The following KIAA1549 variants were observed in gnomAD, a reference collection of about 807,000 sequenced individuals.
The protein encoded by KIAA1549 is UPF0606 protein KIAA1549.
A neutral mutation model predicts 156.4 loss-of-function variants in KIAA1549; 70 were observed. That is an observed-to-expected ratio of 0.45 (90% CI 0.37 to 0.55). KIAA1549 has a LOEUF of 0.55. Among genes scored for constraint, KIAA1549 ranks in the 20% least tolerant of loss-of-function variants. KIAA1549 has a pLI of 0.00. For synonymous variants in KIAA1549, 1,103 were observed against 1,066.4 expected, an observed-to-expected ratio of 1.03 and a Z score of -0.67; for missense variants, 2,428 against 2,540.9, an observed-to-expected ratio of 0.96 and a Z score of 0.96.
rs77344275 is a variant in KIAA1549 at position 138,947,295 on chromosome 7, G to A, written c.188-27857C>T. ...GCCTACTATATGCCAAATTCTGGGA[G>A]AAGCACCTTCCGTCAGTACATCACT... On this transcript the variant is annotated intron_variant, in intron 1 of 19. Coordinates refer to ENST00000422774, the MANE Select transcript of KIAA1549 (RefSeq NM_001164665.2). Among the ~76,000 whole-genome samples the A allele has an allele frequency of 1.5e-4, 23 of 152,290 alleles. 1 individual carries two copies. The East Asian group carries it at 4.4e-3, about 29-fold the overall frequency.
chr7:138,865,216 T>C (rs1810702605), intron 15 of KIAA1549, among the ~76,000 whole-genome samples: 1 of 151,492 alleles, frequency 6.6e-6, no homozygotes, highest in Non-Finnish European at 1.5e-5. Context: ...GCAACAGAGC[T>C]GGAGTGTCTC....
intron 17 of KIAA1549, among the ~76,000 whole-genome samples, chr7:138,847,053 C>G (rs1411334304): frequency 6.6e-6 from 1 of 152,206 alleles, no homozygotes; most frequent in Non-Finnish European, 1.5e-5. Context: ...GGAGCCCACA[C>G]CTCACCTAAT....
chr7:138,943,788 G>A (rs1050691711), intron 1 of KIAA1549, among the ~76,000 whole-genome samples: 204 of 152,132 alleles, frequency 1.3e-3, no homozygotes, highest in African/African-American at 4.5e-3. Context: ...GGCAGAGCTT[G>A]CAGTGAGCTG....
At chr7:138,885,252 A>T (rs1584730159) in intron 10 of KIAA1549, among the ~76,000 whole-genome samples, 1 of 152,098 alleles carries the variant, frequency 6.6e-6, no homozygotes, top group African/African-American at 2.4e-5. Flanking sequence ...ATAATAATAA[A>T]AATGTATATG....
chr7:138,838,290 C>A, intron 19 of KIAA1549, 130 bp from the exon 20 acceptor site: 1 of 939,574 alleles, frequency 1.1e-6, no homozygotes. Context: ...TAACAGGGCC[C>A]TGCTGCCTAT....
At chr7:138,903,070 A>G (rs1452105639) in intron 8 of KIAA1549, among the ~76,000 whole-genome samples, 1 of 152,164 alleles carries the variant, frequency 6.6e-6, no homozygotes, top group Non-Finnish European at 1.5e-5. Flanking sequence ...CTCAGAAAAT[A>G]AATTTTAAAA....
chr7:138,913,255 C>T (rs903428160), intron 2 of KIAA1549, among the ~76,000 whole-genome samples: 1 of 152,110 alleles, frequency 6.6e-6, no homozygotes, highest in Non-Finnish European at 1.5e-5. Context: ...GGTCTCCTAC[C>T]CCAATGTTTC....
chr7:138,912,469 G>A lies in KIAA1549; in HGVS notation c.2879-9C>T. On this transcript the variant is annotated splice_polypyrimidine_tract_variant and intron_variant, in intron 2 of 19. Transcript: ENST00000422774. ...AGCTCTTCTGGCCAGCACTGCAAAT[G>A]AAAGCAAACCACCAAATGCCTTTTC... The A allele has an allele frequency of 6.2e-7, 1 of 1,610,092 alleles. No homozygotes were observed. The highest frequency in any genetic ancestry group is 1.1e-5 in the South Asian group (1 of 91,002).
At chr7:138,840,301 G>C (rs762984405) in intron 18 of KIAA1549, 23 bp from the exon 19 acceptor site, 2 of 1,595,246 alleles carry the variant, frequency 1.3e-6, no homozygotes, top group Non-Finnish European at 1.7e-6. Context: ...TGGTGGAGTG[G>C]CCTGGTCAAC....
chr7:138,908,871 TCA>T (rs1231934734), intron 5 of KIAA1549, 118 bp downstream of exon 5: 1 of 1,184,040 alleles, frequency 8.4e-7, no homozygotes, highest in Non-Finnish European at 1.2e-6. Flanking sequence ...CAATCCCGAC[TCA>T]CATAAACTGG....
chr7:138,935,972 G>A (rs1443662463), intron 1 of KIAA1549, among the ~76,000 whole-genome samples: 1 of 152,194 alleles, frequency 6.6e-6, no homozygotes, highest in Non-Finnish European at 1.5e-5. Context: ...AATGTTGGCA[G>A]ACAATAGGAA....
At chr7:138,931,024 G>A (rs1812854322) in intron 1 of KIAA1549, among the ~76,000 whole-genome samples, 1 of 152,152 alleles carries the variant, frequency 6.6e-6, no homozygotes, top group Non-Finnish European at 1.5e-5. Flanking sequence ...CAAAATTCTT[G>A]TGTCTCAGCA....
rs1034175769 is a variant in KIAA1549 at position 138,923,704 on chromosome 7, T to C, written c.188-4266A>G. 2.6e-5 allele frequency among the ~76,000 whole-genome samples: 4 copies of C among 152,224 alleles called. 1 individual carries two copies. The highest frequency in any genetic ancestry group is 1.3e-4 in the Admixed American group (2 of 15,294). ...GTAATTGGTGAGTTTACAAAAGACA[T>C]ATTATATGGAATTAAAAGTTATGCA... On this transcript the variant is annotated intron_variant, in intron 1 of 19. Transcript: ENST00000422774.
At chr7:138,839,019 A>C (rs960995882) in intron 19 of KIAA1549, among the ~76,000 whole-genome samples, 1 of 152,202 alleles carries the variant, frequency 6.6e-6, no homozygotes, top group African/African-American at 2.4e-5. Flanking sequence ...AAAAAACAAA[A>C]CACCAAAACC....
chr7:138,955,352 T>C (rs779768941), intron 1 of KIAA1549, among the ~76,000 whole-genome samples: 4 of 152,088 alleles, frequency 2.6e-5, no homozygotes, highest in African/African-American at 4.8e-5. Flanking sequence ...CAGGTGAAGC[T>C]TGAGGTCATT....
rs145641830 is a variant in KIAA1549 at position 138,834,150 on chromosome 7, T to C, written c.*3756A>G. ...TTCTTCTGGGTGCCTAATTCATTTA[T>C]GTCTTTTGAACAAATTTTTTTCTTT... On this transcript the variant is annotated 3_prime_UTR_variant, in exon 20 of 20. Coordinates refer to ENST00000422774, the MANE Select transcript of KIAA1549 (RefSeq NM_001164665.2). The C allele has an allele frequency of 2.8e-4, 59 of 208,078 alleles. No individual in the cohort carries two copies. The highest frequency in any genetic ancestry group is 1.1e-3 in the African/African-American group (50 of 44,042). 12.9% of individuals were successfully genotyped at this position (208,078 alleles called of 1,614,324 possible).
chr7:138,883,893 C>T (rs536152856), intron 10 of KIAA1549, among the ~76,000 whole-genome samples: 10 of 152,272 alleles, frequency 6.6e-5, no homozygotes, highest in African/African-American at 9.6e-5. Flanking sequence ...GCCTAAAATA[C>T]GTGGAGTCTC....
intron 18 of KIAA1549, among the ~76,000 whole-genome samples, chr7:138,841,949 A>C (rs1809934051): frequency 6.6e-6 from 1 of 152,158 alleles, no homozygotes; most frequent in African/African-American, 2.4e-5. Flanking sequence ...ATGATAACTA[A>C]AAGTCAGGAA....
At chr7:138,970,365 G>A (rs978428510) in intron 1 of KIAA1549, among the ~76,000 whole-genome samples, 4 of 152,198 alleles carry the variant, frequency 2.6e-5, no homozygotes, top group Non-Finnish European at 5.9e-5. Context: ...GCTCAGGGCA[G>A]GGGCAGTTCT....
Sources: gnomAD v4.1 joint callset for allele counts (sites outside exome capture counted in the v4.1 genomes callset) on GRCh38, gnomAD v4.1.1 for gene constraint, MANE v1.5 for transcripts, NCBI Gene and HGNC (gene_info 2026-07-23, HGNC 2026-07-21) for gene names.